NEK6: variants seen among roughly 807,000 people sequenced by gnomAD.
NEK6 encodes the protein serine/threonine-protein kinase Nek6.
A neutral mutation model predicts 43.5 loss-of-function variants in NEK6; 27 were observed. The ratio of observed to expected loss-of-function variants is 0.62; its 90% CI spans 0.46 to 0.86. The LOEUF is 0.86. NEK6 is among the 40% of genes least tolerant of loss of function. The pLI is 0.00. For missense variants in NEK6, 318 were observed against 414.4 expected (o/e 0.77, Z 2.02); for synonymous variants, 167 against 164.1 (o/e 1.02, Z -0.14).
rs369739906 is a variant in NEK6, at chr9:124,264,889, A to G, written c.-30+6804A>G. On this transcript the variant is annotated intron_variant, in intron 1 of 9. Transcript: ENST00000320246. ...GCATCAGAGCTTTCCCTGAAAGGCC[A>G]CTAAGGATGAGGAACGTGAGCTCCG... Among the ~76,000 whole-genome samples, 27 of 150,958 alleles carry G rather than the reference A, an allele frequency of 1.8e-4. 1 individual carries two copies. In the South Asian group the frequency reaches 3.2e-3, roughly 18 times the overall value.
rs76448516 is a variant in NEK6 at position 124,326,065 on chromosome 9, G to A, written c.406-265G>A. On this transcript the variant is annotated intron_variant, in intron 5 of 9. Transcript: ENST00000320246. The surrounding 1 kb of genome is among the most constrained non-coding windows in gnomAD (Gnocchi z 4.5). Reference sequence around the variant, plus strand: ...GGGTGTCCATGCAGCAAAGCCATCCGGACATGCCAGGCCTGCCTGGCCCTC... The same window carrying A: ...GGGTGTCCATGCAGCAAAGCCATCCAGACATGCCAGGCCTGCCTGGCCCTC... Among the ~76,000 whole-genome samples, 10 of 152,362 alleles carry A rather than the reference G, an allele frequency of 6.6e-5. No individual in the cohort carries two copies. The East Asian group carries it at 9.6e-4, about 15-fold the overall frequency.
intron 1 of NEK6, among the ~76,000 whole-genome samples, chr9:124,258,600 T>A (rs1232209319): frequency 6.6e-6 from 1 of 152,052 alleles, no homozygotes; most frequent in Non-Finnish European, 1.5e-5. Flanking sequence ...GCGAGCGTGT[T>A]TATTACTGAG....
At chr9:124,336,702 T>G (rs1018438779) in intron 7 of NEK6, among the ~76,000 whole-genome samples, 1 of 152,090 alleles carries the variant, frequency 6.6e-6, no homozygotes, top group Non-Finnish European at 1.5e-5. Flanking sequence ...TGTTCTCAGT[T>G]TAGCAACCTT....
intron 1 of NEK6, chr9:124,292,412 A>G: frequency 3.9e-6 from 6 of 1,533,168 alleles, no homozygotes; most frequent in Middle Eastern, 1.7e-4. Context: ...TTCTTTCTCT[A>G]GGGTGGGTTT....
intron 1 of NEK6, among the ~76,000 whole-genome samples, chr9:124,280,927 G>A (rs1225010270): frequency 6.6e-6 from 1 of 152,038 alleles, no homozygotes; most frequent in Non-Finnish European, 1.5e-5. Context: ...CAAGCAGCTG[G>A]TGCTACAGGT....
chr9:124,317,447 A>G (rs1329846970), intron 4 of NEK6, among the ~76,000 whole-genome samples: 4 of 152,222 alleles, frequency 2.6e-5, no homozygotes, highest in Admixed American at 6.5e-5. Flanking sequence ...GCCTGACCTC[A>G]GGTGATCCAC....
chr9:124,342,138 T>C (rs1477099044), intron 8 of NEK6, among the ~76,000 whole-genome samples: 1 of 152,192 alleles, frequency 6.6e-6, no homozygotes. Flanking sequence ...AACCCGGCTG[T>C]CCCTGGGCTC....
intron 1 of NEK6, among the ~76,000 whole-genome samples, chr9:124,278,953 G>T (rs974965079): frequency 6.6e-6 from 1 of 152,192 alleles, no homozygotes; most frequent in Non-Finnish European, 1.5e-5. Context: ...GGGGCACTTT[G>T]CCTACACAGT....
chr9:124,329,315 C>T (rs1029283349), intron 7 of NEK6, among the ~76,000 whole-genome samples: 2 of 152,202 alleles, frequency 1.3e-5, no homozygotes, highest in African/African-American at 4.8e-5. Context: ...TGCGTCCTGT[C>T]CCCCGTCAGT....
At chr9:124,285,784 C>T (rs1360506403) in intron 1 of NEK6, among the ~76,000 whole-genome samples, 2 of 152,134 alleles carry the variant, frequency 1.3e-5, no homozygotes, top group Non-Finnish European at 2.9e-5. Context: ...GCCACACAAC[C>T]GGGGTTCAGA....
In NEK6 at chr9:124,301,898, CAA is replaced by C. The variant is rs767220950; in HGVS notation, c.-29-36_-29-35del. 2.2e-5 allele frequency: 33 copies of C among 1,506,084 alleles called. 1 individual carries two copies. Among genetic ancestry groups the C allele is most frequent in the Middle Eastern group, 3.4e-4 (2 of 5,896 alleles). The allele number at this position is 1,506,084 out of a possible 1,614,324, so 93.3% of individuals were successfully genotyped here. On this transcript the variant is annotated intron_variant, in intron 1 of 9. Coordinates refer to ENST00000320246, the MANE Select transcript of NEK6 (RefSeq NM_014397.6). ...AAGTCCCTCCTCCTTCTGAGGGTCT[CAA>C]AGAGAAAGTGAACAGGCCGCTGTTT...
chr9:124,335,539 G>A (rs527778658), intron 7 of NEK6, among the ~76,000 whole-genome samples: 21 of 152,300 alleles, frequency 1.4e-4, no homozygotes, highest in East Asian at 3.9e-4. Context: ...GTTGAGCTCC[G>A]GGCAGCCATC....
intron 2 of NEK6, among the ~76,000 whole-genome samples, chr9:124,309,594 G>A (rs73666855): frequency 0.015 from 2,336 of 152,330 alleles, 56 homozygotes; most frequent in African/African-American, 0.052. Context: ...CCTGATTTGC[G>A]AGATGGGATT....
At chr9:124,331,932 G>A (rs185509207) in intron 7 of NEK6, among the ~76,000 whole-genome samples, 1 of 152,348 alleles carries the variant, frequency 6.6e-6, no homozygotes, top group East Asian at 1.9e-4. Context: ...AGTCCCTCGG[G>A]CCCAGAATCC....
At chr9:124,301,242 A>T (rs1168942960) in intron 1 of NEK6, among the ~76,000 whole-genome samples, 3 of 152,146 alleles carry the variant, frequency 2.0e-5, no homozygotes, top group Non-Finnish European at 4.4e-5. Context: ...TGAGCTCAGG[A>T]CTGGGCACAC....
intron 1 of NEK6, among the ~76,000 whole-genome samples, chr9:124,288,159 G>C (rs568909882): frequency 4.6e-4 from 70 of 152,374 alleles, no homozygotes; most frequent in African/African-American, 1.5e-3. Context: ...ATAAGGCTGG[G>C]GTTCCCTGGA....
At chr9:124,281,527 A>ATCT (rs1186476455) in intron 1 of NEK6, among the ~76,000 whole-genome samples, 13 of 130,868 alleles carry the variant, frequency 9.9e-5, no homozygotes, top group East Asian at 8.7e-4. Context: ...TGGAGGCAGA[A>ATCT]TCTCACTCTG....
chr9:124,283,599 AGCCAT>A (rs1458575411), intron 1 of NEK6, among the ~76,000 whole-genome samples: 6 of 152,180 alleles, frequency 3.9e-5, no homozygotes, highest in Non-Finnish European at 1.5e-5. Context: ...ACCCCTTACC[AGCCAT>A]GTGCAGGTCA....
At chr9:124,276,371 C>G (rs1341207426) in intron 1 of NEK6, among the ~76,000 whole-genome samples, 9 of 152,152 alleles carry the variant, frequency 5.9e-5, no homozygotes. Context: ...GCTTTTTGCC[C>G]TTGACTCTCC....
Sources: gnomAD v4.1 joint callset for allele counts (sites outside exome capture counted in the v4.1 genomes callset) on GRCh38, gnomAD v4.1.1 for gene constraint, Gnocchi (gnomAD v3.1) non-coding constraint, MANE v1.5 for transcripts, NCBI Gene and HGNC (gene_info 2026-07-23, HGNC 2026-07-21) for gene names.